TMEM132D: variants seen among roughly 807,000 people sequenced by gnomAD.
TMEM132D encodes mature OL transmembrane protein.
TMEM132D carries 21 observed loss-of-function variants against 62.3 expected under a neutral mutation model. The ratio of observed to expected loss-of-function variants is 0.34; its 90% CI spans 0.24 to 0.49. The LOEUF (loss-of-function observed/expected upper bound fraction) is 0.49. Ranked by LOEUF, TMEM132D falls within the 20% of genes least tolerant of loss-of-function variation. The pLI is 0.99. For missense variants in TMEM132D, 1,346 were observed against 1,402.8 expected, an observed-to-expected ratio of 0.96 and a Z score of 0.65; for synonymous variants, 621 against 575.6, an observed-to-expected ratio of 1.08 and a Z score of -1.13.
intron 5 of TMEM132D, among the ~76,000 whole-genome samples, chr12:129,123,289 C>T (rs1876117640): frequency 6.6e-6 from 1 of 151,818 alleles, no homozygotes; most frequent in Admixed American, 6.6e-5. Flanking sequence ...TTTTATGATG[C>T]TTATAGAATT....
In TMEM132D at chr12:129,816,268, T is replaced by C. The variant is rs148001648; in HGVS notation, c.79+86993A>G. On this transcript the variant is annotated intron_variant, in intron 1 of 8. Transcript: ENST00000422113. ...CAAATATTTGTATAAAATATTTGTA[T>C]AAAAACTTCAACATCTTCTGATTAT... Among the ~76,000 whole-genome samples, 1,021 of 152,330 alleles carry C rather than the reference T, an allele frequency of 6.7e-3. 5 individuals are homozygous for C. The highest frequency in any genetic ancestry group is 0.017 in the Middle Eastern group (5 of 294).
chr12:129,567,768 T>C (rs956215374), intron 2 of TMEM132D, among the ~76,000 whole-genome samples: 15 of 152,172 alleles, frequency 9.9e-5, no homozygotes, highest in African/African-American at 3.6e-4. Flanking sequence ...ATATATTTTT[T>C]AATTTTCTCA....
At chr12:129,501,301 C>T (rs1253635300) in intron 3 of TMEM132D, among the ~76,000 whole-genome samples, 2 of 152,062 alleles carry the variant, frequency 1.3e-5, no homozygotes, top group Non-Finnish European at 1.5e-5. Flanking sequence ...AAAATACAAT[C>T]TCATGTCTCA....
At chr12:129,430,386 G>C (rs962687115) in intron 3 of TMEM132D, among the ~76,000 whole-genome samples, 3 of 152,146 alleles carry the variant, frequency 2.0e-5, no homozygotes, top group African/African-American at 7.2e-5. Flanking sequence ...GTCTTCTTTT[G>C]AGAAGTGTCT....
intron 1 of TMEM132D, among the ~76,000 whole-genome samples, chr12:129,739,882 G>A (rs150473681): frequency 6.6e-6 from 1 of 152,128 alleles, no homozygotes; most frequent in Non-Finnish European, 1.5e-5. Flanking sequence ...TGGCACTACT[G>A]TGCTCGAGGA....
At chr12:129,685,692 AC>A (rs1880893884) in intron 2 of TMEM132D, among the ~76,000 whole-genome samples, 3 of 152,262 alleles carry the variant, frequency 2.0e-5, no homozygotes, top group Admixed American at 6.5e-5. Flanking sequence ...GAAGAAGACC[AC>A]CAACAGCTTC....
intron 1 of TMEM132D, among the ~76,000 whole-genome samples, chr12:129,741,641 T>C (rs1869612740): frequency 6.6e-6 from 1 of 152,188 alleles, no homozygotes; most frequent in Non-Finnish European, 1.5e-5. Context: ...AACTCATACG[T>C]TCTGCAAGAT....
chr12:129,254,709 C>T (rs1880356203), intron 4 of TMEM132D, among the ~76,000 whole-genome samples: 1 of 152,176 alleles, frequency 6.6e-6, no homozygotes, highest in African/African-American at 2.4e-5. Context: ...ACATCCAGCA[C>T]AGGCACCGCC....
chr12:129,864,523 T>C (rs1384532324), intron 1 of TMEM132D, among the ~76,000 whole-genome samples: 1 of 152,146 alleles, frequency 6.6e-6, no homozygotes, highest in Non-Finnish European at 1.5e-5. Flanking sequence ...GATAAGGTGT[T>C]TTTCCTGCTG....
At chr12:129,581,071 G>A (rs111648756) in intron 2 of TMEM132D, among the ~76,000 whole-genome samples, 1 of 152,286 alleles carries the variant, frequency 6.6e-6, no homozygotes, top group Non-Finnish European at 1.5e-5. Flanking sequence ...GGTCATGGTG[G>A]CTTGGTGTCA....
At chr12:129,163,531 T>C (rs1877457315) in intron 5 of TMEM132D, among the ~76,000 whole-genome samples, 1 of 152,138 alleles carries the variant, frequency 6.6e-6, no homozygotes. Flanking sequence ...GAAAGGCTGG[T>C]GTGTTTGCTG....
chr12:129,145,545 C>T (rs900705231), intron 5 of TMEM132D, among the ~76,000 whole-genome samples: 5 of 152,028 alleles, frequency 3.3e-5, no homozygotes, highest in Non-Finnish European at 7.4e-5. Context: ...AGCTGTCAGG[C>T]GATGATCCCA....
intron 4 of TMEM132D, among the ~76,000 whole-genome samples, chr12:129,309,269 C>T (rs767344586): frequency 3.3e-5 from 5 of 152,026 alleles, no homozygotes; most frequent in Non-Finnish European, 5.9e-5. Flanking sequence ...TTTTCATGTT[C>T]TTTCTTTAGT....
chr12:129,883,537 TCA>T (rs1180375325), intron 1 of TMEM132D, among the ~76,000 whole-genome samples: 1 of 152,176 alleles, frequency 6.6e-6, no homozygotes, highest in African/African-American at 2.4e-5. Context: ...CTTTAGAAAT[TCA>T]CAAGCTAGTT....
intron 5 of TMEM132D, among the ~76,000 whole-genome samples, chr12:129,095,541 G>A (rs988554456): frequency 6.6e-6 from 1 of 152,016 alleles, no homozygotes; most frequent in East Asian, 1.9e-4. Context: ...TAGTAGAGAT[G>A]GGGTTTTGCC....
chr12:129,572,216 A>G (rs1216830185), intron 2 of TMEM132D, among the ~76,000 whole-genome samples: 1 of 152,234 alleles, frequency 6.6e-6, no homozygotes, highest in East Asian at 1.9e-4. Flanking sequence ...GATTTGAGAG[A>G]AGGCAAAGTA....
chr12:129,093,948 T>C (rs879901207), intron 5 of TMEM132D, among the ~76,000 whole-genome samples: 51 of 151,904 alleles, frequency 3.4e-4, no homozygotes, highest in Non-Finnish European at 6.3e-4. Flanking sequence ...CCCTATTTAA[T>C]AAATGGTGCT....
chr12:129,539,121 A>G (rs1162763790), intron 2 of TMEM132D, among the ~76,000 whole-genome samples: 1 of 152,198 alleles, frequency 6.6e-6, no homozygotes, highest in Non-Finnish European at 1.5e-5. Flanking sequence ...GGTTGCGAGT[A>G]CAGGACAAAG....
intron 5 of TMEM132D, among the ~76,000 whole-genome samples, chr12:129,136,414 T>C (rs1168288200): frequency 2.0e-5 from 3 of 152,196 alleles, no homozygotes; most frequent in Admixed American, 6.5e-5. Context: ...ACCAGTTTGG[T>C]CAGTTATTTT....
Sources: gnomAD v4.1 joint callset for allele counts (sites outside exome capture counted in the v4.1 genomes callset) on GRCh38, gnomAD v4.1.1 for gene constraint, MANE v1.5 for transcripts, NCBI Gene and HGNC (gene_info 2026-07-23, HGNC 2026-07-21) for gene names.